STARD9: variants seen among roughly 807,000 people sequenced by gnomAD.
The protein encoded by STARD9 is stAR-related lipid transfer protein 9.
A neutral mutation model predicts 399.8 loss-of-function variants in STARD9; 346 were observed. The ratio of observed to expected loss-of-function variants is 0.87; its 90% CI spans 0.79 to 0.95. The LOEUF is 0.95. STARD9 is among the 40% of genes least tolerant of loss of function. The probability of loss-of-function intolerance (pLI) is 0.00; values close to 1 mark genes in which losing one functional copy is unlikely to be tolerated. For missense variants in STARD9, 5,832 were observed against 5,667.5 expected, an observed-to-expected ratio of 1.03 and a Z score of -0.93; for synonymous variants, 2,203 against 2,143.5, an observed-to-expected ratio of 1.03 and a Z score of -0.77.
At chr15:42,616,973 G>A (rs2058976604) in intron 3 of STARD9, among the ~76,000 whole-genome samples, 2 of 151,856 alleles carry the variant, frequency 1.3e-5, no homozygotes, top group Middle Eastern at 3.5e-3. Flanking sequence ...GATTAAATGA[G>A]TTAATCTTTA....
Position 42,691,969 on chromosome 15 carries a change from G to A in STARD9, c.10391G>A (p.Ser3464Asn). The A allele has an allele frequency of 1.3e-6, 2 of 1,537,282 alleles. No homozygotes were observed. The highest frequency in any genetic ancestry group is 1.7e-6 in the Non-Finnish European group (2 of 1,146,918). Residue 3464 changes from serine to asparagine, a missense_variant, in exon 23 of 33, where the codon AGT becomes AAT. By Grantham distance (46) the Ser-to-Asn change is conservative. Transcript: ENST00000290607. Reference protein sequence around the residue: ...MDKGMLHFGSSDISPYALPWR... With the variant: ...MDKGMLHFGSNDISPYALPWR... Reference sequence around the variant, plus strand: ...AAAGGAATGCTGCACTTTGGCTCCAGTGACATCAGTCCCTATGCGCTGCCG... The same window carrying A: ...AAAGGAATGCTGCACTTTGGCTCCAATGACATCAGTCCCTATGCGCTGCCG...
intron 3 of STARD9, among the ~76,000 whole-genome samples, chr15:42,607,095 G>T (rs1441141220): frequency 4.7e-5 from 7 of 150,000 alleles, no homozygotes; most frequent in African/African-American, 1.7e-4. Flanking sequence ...CTACAGGCAT[G>T]TGCCACGTCC....
chr15:42,685,829 T>A lies in STARD9; in HGVS notation c.4251T>A (p.Ala1417=). Residue 1417 remains alanine (A), a synonymous_variant, in exon 23 of 33, where the codon GCT becomes GCA. Coordinates refer to ENST00000290607, the MANE Select transcript of STARD9 (RefSeq NM_020759.3). ...CSARDEHTAS[A]ADTSRLSLWG... ...CAAGAGATGAGCACACAGCCTCTGC[T>A]GCTGATACGTCTAGGCTGTCTCTCT... 2 of 1,537,176 alleles carry A rather than the reference T, an allele frequency of 1.3e-6. No individual in the cohort carries two copies. Among genetic ancestry groups the A allele is most frequent in the Non-Finnish European group, 1.7e-6 (2 of 1,146,938 alleles).
intron 3 of STARD9, among the ~76,000 whole-genome samples, chr15:42,595,938 T>G (rs929639029): frequency 1.3e-5 from 2 of 152,236 alleles, no homozygotes; most frequent in Non-Finnish European, 1.5e-5. Flanking sequence ...TTTTCCGTCT[T>G]TAGAAACTTG....
chr15:42,647,810 G>A (rs1176070750), intron 7 of STARD9, among the ~76,000 whole-genome samples: 7 of 151,436 alleles, frequency 4.6e-5, no homozygotes, highest in East Asian at 3.9e-4. Flanking sequence ...TTCCTTTTTC[G>A]TTACTTTGTC....
At chr15:42,670,003 A>G (rs555584626) in intron 16 of STARD9, 64 of 152,344 alleles carry the variant, frequency 4.2e-4, no homozygotes, top group African/African-American at 1.5e-3. Flanking sequence ...GTGAGCTGAG[A>G]TCACGCCACT....
chr15:42,703,123 A>G (rs2061002205), intron 26 of STARD9, among the ~76,000 whole-genome samples: 1 of 152,108 alleles, frequency 6.6e-6, no homozygotes, highest in Non-Finnish European at 1.5e-5. Context: ...TGCTGGTTTA[A>G]TGACCTTTTC....
intron 22 of STARD9, among the ~76,000 whole-genome samples, 182 bp from the exon 23 acceptor site, chr15:42,683,934 G>A (rs150540196): frequency 5.3e-5 from 8 of 152,284 alleles, no homozygotes; most frequent in African/African-American, 1.9e-4. Context: ...GGAACAGAGT[G>A]GGCCTGGAGC....
At chr15:42,644,868 T>C (rs1389143764) in intron 7 of STARD9, among the ~76,000 whole-genome samples, 1 of 152,220 alleles carries the variant, frequency 6.6e-6, no homozygotes, top group Non-Finnish European at 1.5e-5. Context: ...TTTTTTGTCA[T>C]TTCACACAGC....
Position 42,686,141 on chromosome 15 carries a change from C to A in STARD9, c.4563C>A (p.Ala1521=), listed in dbSNP as rs747051884. The A allele has an allele frequency of 1.3e-6, 2 of 1,537,288 alleles. No homozygotes were observed. The highest frequency in any genetic ancestry group is 1.7e-6 in the Non-Finnish European group (2 of 1,146,942). ...PYLEEDSGSL[A]QASSKGGDTL... Reference sequence around the variant, plus strand: ...TTGAGGAAGACTCTGGTTCCCTGGCCCAAGCTTCTAGCAAAGGAGGAGATA... The same window carrying A: ...TTGAGGAAGACTCTGGTTCCCTGGCACAAGCTTCTAGCAAAGGAGGAGATA... Residue 1521 remains alanine (A), a synonymous_variant, in exon 23 of 33, where the codon GCC becomes GCA. Transcript: ENST00000290607.
intron 7 of STARD9, among the ~76,000 whole-genome samples, chr15:42,647,523 A>T (rs1338005197): frequency 6.6e-6 from 1 of 152,076 alleles, no homozygotes; most frequent in East Asian, 1.9e-4. Context: ...TTTTACTTTA[A>T]AGTCTACTTT....
At chr15:42,674,303 C>T (rs1029505108) in intron 16 of STARD9, 137 bp from the exon 17 acceptor site, 11 of 716,192 alleles carry the variant, frequency 1.5e-5, no homozygotes, top group Admixed American at 9.2e-5. Context: ...GAAGTGGTAC[C>T]GACCAGGCTG....
chr15:42,680,044 T>A (rs918822447), intron 20 of STARD9, among the ~76,000 whole-genome samples: 2 of 152,204 alleles, frequency 1.3e-5, no homozygotes, highest in Non-Finnish European at 2.9e-5. Context: ...TGATTCTAAC[T>A]TTTTTGTTAG....
At chr15:42,654,155 C>T (rs1439727796) in intron 9 of STARD9, among the ~76,000 whole-genome samples, 1 of 151,926 alleles carries the variant, frequency 6.6e-6, no homozygotes, top group Non-Finnish European at 1.5e-5. Flanking sequence ...ATAAAAATAC[C>T]TAACAGTTAA....
intron 26 of STARD9, among the ~76,000 whole-genome samples, chr15:42,704,214 A>C (rs1294910055): frequency 6.6e-6 from 1 of 152,162 alleles, no homozygotes; most frequent in Non-Finnish European, 1.5e-5. Context: ...CCTGGCCAAG[A>C]TTATTTTAAT....
In STARD9 at chr15:42,638,813, G is replaced by A. The variant is rs1467278513; in HGVS notation, c.559+1G>A. The A allele has an allele frequency of 6.6e-7, 1 of 1,508,468 alleles. No homozygotes were observed. The highest frequency in any genetic ancestry group is 1.4e-5 in the African/African-American group (1 of 72,230). 93.4% of individuals were successfully genotyped at this position (1,508,468 alleles called of 1,614,324 possible). A position where few individuals can be genotyped will look rare whatever the true frequency, so the allele number is the denominator to read the frequency against. Reference sequence around the variant, plus strand: ...CCAGAGATGGGGCCCTATGTACAAGGTGAGCTACTGTGGTCCTGGAGATCT... The same window carrying A: ...CCAGAGATGGGGCCCTATGTACAAGATGAGCTACTGTGGTCCTGGAGATCT... On this transcript the variant is annotated splice_donor_variant, in intron 7 of 32. Coordinates refer to ENST00000290607, the MANE Select transcript of STARD9 (RefSeq NM_020759.3). LOFTEE classifies it high-confidence loss of function.
At chr15:42,696,325 T>G (rs138643141) in intron 26 of STARD9, among the ~76,000 whole-genome samples, 1 of 152,326 alleles carries the variant, frequency 6.6e-6, no homozygotes, top group African/African-American at 2.4e-5. Context: ...AGGTAGTTAA[T>G]GCAGTAAAAG....
In STARD9 at chr15:42,692,907, G is replaced by A. The variant is rs192510227; in HGVS notation, c.11329G>A (p.Asp3777Asn). 6.5e-7 allele frequency: 1 copy of A among 1,537,274 alleles called. No individual in the cohort carries two copies. The highest frequency in any genetic ancestry group is 2.4e-5 in the East Asian group (1 of 40,918). The change falls in exon 23 of 33, where the codon GAT becomes AAT. Residue 3777 changes from aspartate (D) to asparagine (N), a missense_variant. Transcript: ENST00000290607. ...CTCGACTGTGTCTCAAGAAGAGGGA[G>A]ATGTGCCAGGGGTACCTCAGAAGAG... ...DTSTVSQEEG[D>N]VPGVPQKREA...
At chr15:42,642,993 G>A (rs1489377640) in intron 7 of STARD9, among the ~76,000 whole-genome samples, 1 of 150,532 alleles carries the variant, frequency 6.6e-6, no homozygotes, top group Non-Finnish European at 1.5e-5. Flanking sequence ...TTTTAGAGAT[G>A]GAGTCTAGCT....
Sources: allele counts gnomAD v4.1 joint callset (sites outside exome capture counted in the v4.1 genomes callset), GRCh38; gene constraint gnomAD v4.1.1; transcripts MANE v1.5; gene names NCBI Gene and HGNC (gene_info 2026-07-23, HGNC 2026-07-21).